PCTP: variants seen among roughly 807,000 people sequenced by gnomAD.
PCTP encodes the protein START domain-containing protein 2.
Under a neutral mutation model 31.0 loss-of-function variants are expected in PCTP, and 27 were observed. That is an observed-to-expected ratio of 0.87 (90% confidence interval 0.64 to 1.20). The LOEUF (loss-of-function observed/expected upper bound fraction) is 1.20. Ranked by LOEUF, PCTP falls within the 50% of genes most tolerant of loss-of-function variation. The pLI is 0.00. For missense variants in PCTP, 287 were observed against 268.2 expected, an observed-to-expected ratio of 1.07 and a Z score of -0.49; for synonymous variants, 108 against 101.2, an observed-to-expected ratio of 1.07 and a Z score of -0.40.
intron 3 of PCTP, among the ~76,000 whole-genome samples, chr17:55,788,078 C>G (rs1911817092): frequency 6.6e-6 from 1 of 152,114 alleles, no homozygotes; most frequent in South Asian, 2.1e-4. Flanking sequence ...TTGTAATAAC[C>G]AATTTCCTTT....
chr17:55,814,797 A>G (rs1185673495), intron 3 of PCTP, among the ~76,000 whole-genome samples: 1 of 152,202 alleles, frequency 6.6e-6, no homozygotes, highest in Non-Finnish European at 1.5e-5. Flanking sequence ...TTGACCCATA[A>G]GCTTCAAAGT....
chr17:55,814,077 T>G (rs1445334573), intron 3 of PCTP, among the ~76,000 whole-genome samples: 1 of 151,868 alleles, frequency 6.6e-6, no homozygotes, highest in Non-Finnish European at 1.5e-5. Flanking sequence ...AGAAAAATTG[T>G]TTCAAAAGAG....
chr17:55,844,135 C>G (rs1906070835), downstream of PCTP, among the ~76,000 whole-genome samples: 1 of 152,170 alleles, frequency 6.6e-6, no homozygotes, highest in Admixed American at 6.5e-5. Context: ...CTCCAACCAG[C>G]ATAGACATCG....
chr17:55,777,089 G>C lies in PCTP; in HGVS notation c.*989G>C. On this transcript the variant is annotated 3_prime_UTR_variant, in exon 6 of 6. Transcript: ENST00000268896. ...TCTGCACCTTTTTCTCAGGAATTCT[G>C]CCTAAGTTGTCTGCCTTTTCTACCA... 1.0e-6 allele frequency: 1 copy of C among 985,824 alleles called. No individual in the cohort carries two copies. Among genetic ancestry groups the C allele is most frequent in the Non-Finnish European group, 1.2e-6 (1 of 829,922 alleles). The allele number at this position is 985,824 out of a possible 1,614,324, so 61.1% of individuals were successfully genotyped here.
At chr17:55,788,179 A>G (rs1911820060) in intron 3 of PCTP, among the ~76,000 whole-genome samples, 1 of 152,204 alleles carries the variant, frequency 6.6e-6, no homozygotes, top group African/African-American at 2.4e-5. Context: ...AACCAAAATG[A>G]AGGACTTCAC....
intron 1 of PCTP, among the ~76,000 whole-genome samples, chr17:55,754,280 C>G (rs1183845538): frequency 6.6e-6 from 1 of 152,202 alleles, no homozygotes; most frequent in Non-Finnish European, 1.5e-5. Flanking sequence ...GACCAACTGG[C>G]TGTAAATAGG....
rs1038900055 is a variant in PCTP, at chr17:55,777,127, T to C, written c.*1027T>C. 1.2e-5 allele frequency: 12 copies of C among 985,736 alleles called. No homozygotes were observed. In the Admixed American group the frequency reaches 3.1e-4, roughly 25 times the overall value. 61.1% of individuals were successfully genotyped at this position (985,736 alleles called of 1,614,324 possible). ...GCCTTTTCTACCACCAAAAAGACTT[T>C]TAGTTTTCTATGCTTTCTCCTGAAT... On this transcript the variant is annotated 3_prime_UTR_variant, in exon 6 of 6. Transcript: ENST00000268896.
intron 3 of PCTP, among the ~76,000 whole-genome samples, chr17:55,816,239 T>C (rs1367460657): frequency 6.6e-6 from 1 of 152,212 alleles, no homozygotes; most frequent in Non-Finnish European, 1.5e-5. Context: ...AAATCCCAAA[T>C]GTTTTAGCCA....
chr17:55,762,435 G>C (rs925899585), intron 1 of PCTP, among the ~76,000 whole-genome samples: 3 of 151,892 alleles, frequency 2.0e-5, no homozygotes, highest in African/African-American at 7.3e-5. Flanking sequence ...TAAACTTTAT[G>C]AAACACAAAA....
At chr17:55,784,167 C>T (rs1465315949) in intron 2 of PCTP, among the ~76,000 whole-genome samples, 2 of 152,128 alleles carry the variant, frequency 1.3e-5, no homozygotes, top group Non-Finnish European at 2.9e-5. Flanking sequence ...AGCAGAGCAG[C>T]TTGGCCAGGG....
chr17:55,850,369 T>C, the PCTP span, among the ~76,000 whole-genome samples: 1 of 152,234 alleles, frequency 6.6e-6, no homozygotes, highest in Admixed American at 6.5e-5. Context: ...GCTTTTTGTA[T>C]AAGGAATAAC....
intron 5 of PCTP, among the ~76,000 whole-genome samples, chr17:55,835,031 A>G (rs1598023340): frequency 6.6e-6 from 1 of 152,296 alleles, no homozygotes; most frequent in East Asian, 1.9e-4. Context: ...GGAAATTTGG[A>G]CACAGATGCG....
intron 1 of PCTP, among the ~76,000 whole-genome samples, chr17:55,759,865 A>C (rs1910245944): frequency 6.6e-6 from 1 of 152,216 alleles, no homozygotes; most frequent in Non-Finnish European, 1.5e-5. Context: ...ACATTTTGAC[A>C]CATCTCATAT....
chr17:55,809,517 CAG>C lies in PCTP; in HGVS notation c.318-13241_318-13240del, dbSNP rs988621968. 1.0e-4 allele frequency among the ~76,000 whole-genome samples: 15 copies of C among 148,394 alleles called. No individual in the cohort carries two copies. In the East Asian group the frequency reaches 1.7e-3, roughly 17 times the overall value. On this transcript the variant is annotated intron_variant, in intron 3 of 3. Transcript: ENST00000572536. ...ATTGTTTCCAAAATCAGAGCATTCT[CAG>C]AGTCTTTTTTTTTTTTTTTTGGAGA...
At chr17:55,794,193 T>C (rs1912105157) in intron 3 of PCTP, among the ~76,000 whole-genome samples, 1 of 152,102 alleles carries the variant, frequency 6.6e-6, no homozygotes, top group South Asian at 2.1e-4. Flanking sequence ...CATTCCCCTC[T>C]TGCTCTAATT....
At chr17:55,752,316 A>T (rs574596133) in intron 1 of PCTP, among the ~76,000 whole-genome samples, 79 of 152,202 alleles carry the variant, frequency 5.2e-4, no homozygotes, top group Non-Finnish European at 8.2e-4. Flanking sequence ...TGCCTGTCTC[A>T]TTGCAGGAAT....
chr17:55,812,681 ACT>A (rs1912790580), intron 3 of PCTP, among the ~76,000 whole-genome samples: 1 of 152,126 alleles, frequency 6.6e-6, no homozygotes, highest in East Asian at 1.9e-4. Context: ...ACACTCACAG[ACT>A]CTGAGGAAGA....
the PCTP span, among the ~76,000 whole-genome samples, chr17:55,850,192 T>C: frequency 6.6e-6 from 1 of 152,154 alleles, no homozygotes; most frequent in Non-Finnish European, 1.5e-5. Context: ...AAAGCAATCC[T>C]ACTCTGGAAT....
intron 2 of PCTP, among the ~76,000 whole-genome samples, chr17:55,785,246 C>T (rs1911705461): frequency 6.6e-6 from 1 of 152,232 alleles, no homozygotes; most frequent in East Asian, 1.9e-4. Context: ...TATGGAAGGT[C>T]AATGTGACAA....
Sources: gnomAD v4.1 joint callset for allele counts (sites outside exome capture counted in the v4.1 genomes callset) on GRCh38, gnomAD v4.1.1 for gene constraint, MANE v1.5 for transcripts, NCBI Gene and HGNC (gene_info 2026-07-23, HGNC 2026-07-21) for gene names.